Variants in CNTNAP2 observed in about 807,000 individuals in gnomAD.
CNTNAP2 encodes contactin-associated protein-like 2.
Under a neutral mutation model 155.2 loss-of-function variants are expected in CNTNAP2, and 98 were observed. The ratio of observed to expected loss-of-function variants is 0.63; its 90% confidence interval spans 0.54 to 0.75. The LOEUF (loss-of-function observed/expected upper bound fraction) is 0.75, where lower values mean the gene tolerates loss of function less well. CNTNAP2 is among the 30% of genes least tolerant of loss of function. CNTNAP2 has a pLI of 0.00. For missense variants in CNTNAP2, 1,727 were observed against 1,688.1 expected (o/e 1.02, Z -0.40); for synonymous variants, 651 against 631.2 (o/e 1.03, Z -0.47).
chr7:147,434,732 C>T (rs1797523928), intron 10 of CNTNAP2, among the ~76,000 whole-genome samples: 1 of 152,202 alleles, frequency 6.6e-6, no homozygotes, highest in Non-Finnish European at 1.5e-5. Flanking sequence ...TGTTCTGTAG[C>T]TTTAGTTGTA....
At chr7:146,808,298 A>G (rs1803004103) in intron 2 of CNTNAP2, among the ~76,000 whole-genome samples, 1 of 152,236 alleles carries the variant, frequency 6.6e-6, no homozygotes, top group Non-Finnish European at 1.5e-5. Flanking sequence ...TTTATATTTC[A>G]TGCAATATAA....
At chr7:148,119,141 A>G (rs1312839327) in intron 16 of CNTNAP2, among the ~76,000 whole-genome samples, 1 of 152,114 alleles carries the variant, frequency 6.6e-6, no homozygotes, top group Admixed American at 6.5e-5. Flanking sequence ...ACTGGCTGTG[A>G]GAGTCGGGGA....
intron 1 of CNTNAP2, among the ~76,000 whole-genome samples, chr7:146,436,029 T>A (rs1022377882): frequency 6.6e-6 from 1 of 152,180 alleles, no homozygotes; most frequent in African/African-American, 2.4e-5. Flanking sequence ...ATTGATCACA[T>A]TTCCCTATAA....
In CNTNAP2 at chr7:146,368,155, G is replaced by C. The variant is rs186699876; in HGVS notation, c.97+251182G>C. ...TCTGTCCTTGCTGACCTTTGTATGT[G>C]TGTGTTTTCTCCCTTGATGACATAT... is the stretch of plus-strand genomic sequence containing the variant. On this transcript the variant is annotated intron_variant, in intron 1 of 23. Coordinates refer to ENST00000361727, the MANE Select transcript of CNTNAP2 (RefSeq NM_014141.6). Among the ~76,000 whole-genome samples the C allele has an allele frequency of 1.1e-4, 17 of 152,152 alleles. No homozygotes were observed. In the East Asian group the frequency reaches 3.3e-3, roughly 29 times the overall value.
intron 18 of CNTNAP2, among the ~76,000 whole-genome samples, chr7:148,199,263 C>T (rs1377690942): frequency 1.3e-5 from 2 of 152,194 alleles, no homozygotes; most frequent in East Asian, 3.8e-4. Flanking sequence ...CAAGAAGTGA[C>T]TAGAATCCTA....
chr7:147,761,314 A>G (rs911780888), intron 13 of CNTNAP2, among the ~76,000 whole-genome samples: 15 of 152,190 alleles, frequency 9.9e-5, no homozygotes, highest in Admixed American at 2.0e-4. Context: ...TTTCTGTTCC[A>G]GGTACATCTT....
rs563883363 is a variant in CNTNAP2, at chr7:146,708,821, C to G, written c.98-65450C>G. Reference sequence around the variant, plus strand: ...CAGGCTGGTCTCGAACTCCTGACTTCAGGTGATCCACCTGCCTTGGCCTCC... The same window carrying G: ...CAGGCTGGTCTCGAACTCCTGACTTGAGGTGATCCACCTGCCTTGGCCTCC... On this transcript the variant is annotated intron_variant, in intron 1 of 23. Coordinates refer to ENST00000361727, the MANE Select transcript of CNTNAP2 (RefSeq NM_014141.6). 3.9e-5 allele frequency among the ~76,000 whole-genome samples: 6 copies of G among 151,966 alleles called. No individual in the cohort carries two copies. The South Asian group carries it at 1.2e-3, about 32-fold the overall frequency.
intron 12 of CNTNAP2, among the ~76,000 whole-genome samples, chr7:147,575,465 G>T (rs1396449371): frequency 9.0e-6 from 1 of 110,784 alleles, no homozygotes; most frequent in Non-Finnish European, 1.8e-5. Flanking sequence ...TAGCTTTAGG[G>T]GTGTATATAT....
intron 15 of CNTNAP2, among the ~76,000 whole-genome samples, chr7:148,085,887 A>G (rs900686609): frequency 2.0e-5 from 3 of 152,136 alleles, no homozygotes; most frequent in Non-Finnish European, 4.4e-5. Context: ...CTTATAACCA[A>G]TTAAATGAAG....
At chr7:146,265,457 C>T (rs1420224644) in intron 1 of CNTNAP2, among the ~76,000 whole-genome samples, 8 of 135,580 alleles carry the variant, frequency 5.9e-5, no homozygotes, top group South Asian at 2.3e-4. Context: ...TTCTTTCTTT[C>T]TTTTTTTTTT....
chr7:147,524,123 C>A (rs184995708), intron 11 of CNTNAP2, among the ~76,000 whole-genome samples: 23 of 152,296 alleles, frequency 1.5e-4, no homozygotes, highest in Admixed American at 9.8e-4. Flanking sequence ...AGCTTTGCTC[C>A]ACTCACACCT....
chr7:147,002,944 C>CAAAAA (rs773401142), intron 3 of CNTNAP2, among the ~76,000 whole-genome samples: 24 of 52,864 alleles, frequency 4.5e-4, no homozygotes, highest in African/African-American at 8.2e-4. Context: ...ATGTTCCTTC[C>CAAAAA]AAAAAAAAAA....
chr7:147,968,325 A>G (rs1801261304), intron 14 of CNTNAP2, among the ~76,000 whole-genome samples: 1 of 152,262 alleles, frequency 6.6e-6, no homozygotes, highest in Non-Finnish European at 1.5e-5. Context: ...GAAAAGCAGT[A>G]ATTGAATCTG....
At chr7:146,809,448 A>T (rs951209175) in intron 2 of CNTNAP2, among the ~76,000 whole-genome samples, 2 of 151,624 alleles carry the variant, frequency 1.3e-5, no homozygotes, top group Admixed American at 6.6e-5. Context: ...TGCAAACTCA[A>T]CCTCTCAGGT....
rs1042150942 is a variant in CNTNAP2 at position 147,729,246 on chromosome 7, G to T, written c.2098+89940G>T. Reference sequence around the variant, plus strand: ...CCACTGCACCCGGGAGGAAGAATGCGTATTAAAGGAAGTAATTTAGCCTTA... The same window carrying T: ...CCACTGCACCCGGGAGGAAGAATGCTTATTAAAGGAAGTAATTTAGCCTTA... On this transcript the variant is annotated intron_variant, in intron 13 of 23. Coordinates refer to ENST00000361727, the MANE Select transcript of CNTNAP2 (RefSeq NM_014141.6). Among the ~76,000 whole-genome samples, 3 of 151,698 alleles carry T rather than the reference G, an allele frequency of 2.0e-5. No homozygotes were observed. In the South Asian group the frequency reaches 6.2e-4, roughly 32 times the overall value.
At chr7:146,182,796 T>G (rs1181793796) in intron 1 of CNTNAP2, among the ~76,000 whole-genome samples, 1 of 152,298 alleles carries the variant, frequency 6.6e-6, no homozygotes, top group African/African-American at 2.4e-5. Flanking sequence ...TTCCTCACTG[T>G]TCCCTTGCTA....
At chr7:146,269,952 T>A (rs1800053915) in intron 1 of CNTNAP2, among the ~76,000 whole-genome samples, 1 of 152,210 alleles carries the variant, frequency 6.6e-6, no homozygotes, top group Non-Finnish European at 1.5e-5. Flanking sequence ...TTTTATATGC[T>A]GCTGTCTTTG....
chr7:146,390,374 G>A (rs1034467763), intron 1 of CNTNAP2, among the ~76,000 whole-genome samples: 4 of 151,916 alleles, frequency 2.6e-5, no homozygotes, highest in African/African-American at 9.7e-5. Flanking sequence ...GGAACATATG[G>A]ACATGATGGA....
At chr7:147,617,248 A>T (rs1186932042) in intron 12 of CNTNAP2, among the ~76,000 whole-genome samples, 26 of 152,090 alleles carry the variant, frequency 1.7e-4, no homozygotes, top group Admixed American at 1.7e-3. Context: ...TGGACCTTTT[A>T]TTTGGATACA....
Sources: gnomAD v4.1 joint callset for allele counts (sites outside exome capture counted in the v4.1 genomes callset) on GRCh38, gnomAD v4.1.1 for gene constraint, MANE v1.5 for transcripts, NCBI Gene and HGNC (gene_info 2026-07-23, HGNC 2026-07-21) for gene names.